The following GNA13 variants were observed in gnomAD, a reference collection of about 807,000 sequenced individuals.
The protein encoded by GNA13 is guanine nucleotide-binding protein subunit alpha-13.
In GNA13, 4 loss-of-function variants were observed where a neutral mutation model predicts 33.5. The ratio of observed to expected loss-of-function variants is 0.12; its 90% CI spans 0.06 to 0.27. The LOEUF (loss-of-function observed/expected upper bound fraction) is 0.27, where lower values mean the gene tolerates loss of function less well. Ranked by LOEUF, GNA13 falls within the 10% of genes least tolerant of loss-of-function variation. The pLI is 1.00. For missense variants in GNA13, 319 were observed against 487.2 expected (o/e 0.65, Z 3.25); for synonymous variants, 176 against 183.8 (o/e 0.96, Z 0.34).
At chr17:65,031,896 A>AGAGAG (rs1907040820) in intron 2 of GNA13, among the ~76,000 whole-genome samples, 110 of 71,438 alleles carry the variant, frequency 1.5e-3, no homozygotes, top group Non-Finnish European at 2.5e-3. Flanking sequence ...GAGAGAGAGA[A>AGAGAG]AGAGAGAGAG....
intron 2 of GNA13, among the ~76,000 whole-genome samples, chr17:65,026,667 C>G (rs1340489906): frequency 1.3e-5 from 2 of 152,146 alleles, no homozygotes; most frequent in Non-Finnish European, 2.9e-5. Flanking sequence ...TATGAACCCC[C>G]TTTTAAGAAA....
intron 2 of GNA13, chr17:65,052,187 C>T (rs1347722369): frequency 6.6e-6 from 1 of 152,142 alleles, no homozygotes; most frequent in African/African-American, 2.4e-5. Flanking sequence ...GAGTTCTGCT[C>T]TTGTTGCCCA....
chr17:65,013,064 C>T lies in GNA13; in HGVS notation c.*1193G>A. On this transcript the variant is annotated 3_prime_UTR_variant, in exon 4 of 4. Transcript: ENST00000439174. Reference sequence around the variant, plus strand: ...ATTACTACTGATCCTTAGAAGCATCCTTAAAACATTTAAAATATACCTCAA... The same window carrying T: ...ATTACTACTGATCCTTAGAAGCATCTTTAAAACATTTAAAATATACCTCAA... 4.7e-6 allele frequency: 1 copy of T among 210,618 alleles called. No homozygotes were observed. Among genetic ancestry groups the T allele is most frequent in the East Asian group, 7.1e-5 (1 of 14,046 alleles). The allele number at this position is 210,618 out of a possible 1,614,324, so 13.0% of individuals were successfully genotyped here. A position where few individuals can be genotyped will look rare whatever the true frequency, so the allele number is the denominator to read the frequency against.
chr17:65,010,265 T>A lies in GNA13; in HGVS notation c.*3992A>T, dbSNP rs1315478492. Among the ~76,000 whole-genome samples, 1 of 152,062 alleles carries A rather than the reference T, an allele frequency of 6.6e-6. No homozygotes were observed. The highest frequency in any genetic ancestry group is 1.5e-5 in the Non-Finnish European group (1 of 68,036). ...TGTTAATCACCTACCAGCCTAAGAC[T>A]AGTATCTACTTGATGGAACTTGAAA... is the stretch of plus-strand genomic sequence containing the variant. On this transcript the variant is annotated 3_prime_UTR_variant, in exon 4 of 4. Transcript: ENST00000439174.
chr17:65,023,111 A>G (rs12943037), intron 2 of GNA13, among the ~76,000 whole-genome samples: 13,708 of 152,302 alleles, frequency 0.09, 812 homozygotes, highest in Non-Finnish European at 0.14. Context: ...CTGAGAAAAC[A>G]CTAAATGAGT....
At chr17:65,020,284 C>T (rs1906535623) in intron 2 of GNA13, among the ~76,000 whole-genome samples, 1 of 152,242 alleles carries the variant, frequency 6.6e-6, no homozygotes, top group African/African-American at 2.4e-5. Flanking sequence ...AATTTCAGTC[C>T]TTTCTCTAAC....
chr17:65,024,166 T>TC (rs956091372), intron 2 of GNA13, among the ~76,000 whole-genome samples: 1 of 152,184 alleles, frequency 6.6e-6, no homozygotes, highest in Non-Finnish European at 1.5e-5. Context: ...GGTAGGATCA[T>TC]CACCTGAGCC....
intron 3 of GNA13, among the ~76,000 whole-genome samples, chr17:65,016,371 TA>T (rs1046956819): frequency 6.6e-6 from 1 of 152,194 alleles, no homozygotes; most frequent in Non-Finnish European, 1.5e-5. Flanking sequence ...TATATATACA[TA>T]TTTTTTTGAG....
intron 2 of GNA13, among the ~76,000 whole-genome samples, chr17:65,045,370 A>G (rs1907620541): frequency 6.6e-6 from 1 of 151,990 alleles, no homozygotes; most frequent in African/African-American, 2.4e-5. Flanking sequence ...AAATACAAAA[A>G]TTAGCTGGGT....
intron 2 of GNA13, among the ~76,000 whole-genome samples, chr17:65,049,119 T>A (rs1265813050): frequency 6.6e-6 from 1 of 152,208 alleles, no homozygotes; most frequent in African/African-American, 2.4e-5. Context: ...TTTTAATTTT[T>A]ATTTTTTTGA....
At position 65,010,461 on chromosome 17, in the gene GNA13, T is replaced by C. The variant is rs749271839; in HGVS notation, c.*3796A>G. On this transcript the variant is annotated 3_prime_UTR_variant, in exon 4 of 4. Transcript: ENST00000439174. ...ACCCACAATCTCTCCCCTCCTCATGTTTACTAGACTGAAAAGCCACCCTGT... is the reference window on the plus strand; with the variant it reads ...ACCCACAATCTCTCCCCTCCTCATGCTTACTAGACTGAAAAGCCACCCTGT... Among the ~76,000 whole-genome samples, 10 of 152,016 alleles carry C rather than the reference T, an allele frequency of 6.6e-5. No individual in the cohort carries two copies. Among genetic ancestry groups the C allele is most frequent in the Non-Finnish European group, 1.5e-4 (10 of 68,022 alleles).
intron 2 of GNA13, among the ~76,000 whole-genome samples, chr17:65,019,568 C>A (rs762611874): frequency 2.6e-5 from 4 of 152,052 alleles, no homozygotes; most frequent in Non-Finnish European, 4.4e-5. Context: ...AAGACAGACA[C>A]AAAAAGACAA....
At chr17:65,022,963 G>C (rs1295789468) in intron 2 of GNA13, among the ~76,000 whole-genome samples, 2 of 152,188 alleles carry the variant, frequency 1.3e-5, no homozygotes, top group Non-Finnish European at 2.9e-5. Context: ...GTTTTCCCTG[G>C]CTCTTGCTGA....
At chr17:65,036,508 T>C (rs1417414941) in intron 2 of GNA13, among the ~76,000 whole-genome samples, 1 of 152,142 alleles carries the variant, frequency 6.6e-6, no homozygotes, top group African/African-American at 2.4e-5. Flanking sequence ...GAGTTTGAGA[T>C]CAGCCTGGCC....
At chr17:65,015,427 C>T (rs1906327887) in intron 3 of GNA13, among the ~76,000 whole-genome samples, 1 of 151,986 alleles carries the variant, frequency 6.6e-6, no homozygotes, top group African/African-American at 2.4e-5. Context: ...CTTTGGGAGG[C>T]CGAGACGGGC....
intron 1 of GNA13, among the ~76,000 whole-genome samples, chr17:65,056,080 G>A (rs1908042064): frequency 6.6e-6 from 1 of 152,084 alleles, no homozygotes; most frequent in Non-Finnish European, 1.5e-5. Flanking sequence ...CGCCCACCGG[G>A]GAGACAAGCG....
chr17:65,056,602 C>T lies in GNA13; in HGVS notation c.-9G>A, dbSNP rs555235054. ...GGCAGGAAGTCCGCCATCTTGCCGC[C>T]GCCGCCGCCGCCTCGGCGGGCCCCT... On this transcript the variant is annotated 5_prime_UTR_variant, in exon 1 of 4. Coordinates refer to ENST00000439174, the MANE Select transcript of GNA13 (RefSeq NM_006572.6). 2 of 1,591,170 alleles carry T rather than the reference C, an allele frequency of 1.3e-6. No individual in the cohort carries two copies. Among genetic ancestry groups the T allele is most frequent in the East Asian group, 4.5e-5 (2 of 44,276 alleles).
chr17:65,016,650 C>T (rs1906381689), intron 3 of GNA13, among the ~76,000 whole-genome samples: 2 of 152,240 alleles, frequency 1.3e-5, no homozygotes, highest in African/African-American at 2.4e-5. Flanking sequence ...GCGTGAGCCA[C>T]TGCACCCGGC....
rs776968393 is a variant in GNA13 at position 65,018,239 on chromosome 17, G to A, written c.561+14C>T. 1.4e-6 allele frequency: 2 copies of A among 1,412,702 alleles called. No individual in the cohort carries two copies. The highest frequency in any genetic ancestry group is 2.0e-6 in the Non-Finnish European group (2 of 1,002,762). The allele number at this position is 1,412,702 out of a possible 1,614,324, so 87.5% of individuals were successfully genotyped here. On this transcript the variant is annotated intron_variant, in intron 3 of 3. Transcript: ENST00000439174. ...AAATGGCACTAAACATAAACATTTG[G>A]TTTAAACACTTACTGGTTCTCCAAG...
Sources: gnomAD v4.1 joint callset for allele counts (sites outside exome capture counted in the v4.1 genomes callset) on GRCh38, gnomAD v4.1.1 for gene constraint, MANE v1.5 for transcripts, NCBI Gene and HGNC (gene_info 2026-07-23, HGNC 2026-07-21) for gene names.